The following HNF4G variants were observed in gnomAD, a reference collection of about 807,000 sequenced individuals.
HNF4G encodes hepatocyte nuclear factor 4 gamma.
A neutral mutation model predicts 50.9 loss-of-function variants in HNF4G; 21 were observed. The observed-to-expected ratio is 0.41, with a 90% CI of 0.29 to 0.59. The LOEUF (loss-of-function observed/expected upper bound fraction) is 0.59, where lower values mean the gene tolerates loss of function less well. HNF4G is among the 20% of genes least tolerant of loss of function. The probability of loss-of-function intolerance (pLI) is 0.26; values close to 1 mark genes in which losing one functional copy is unlikely to be tolerated. For synonymous variants in HNF4G, 198 were observed against 185.6 expected (o/e 1.07, Z -0.54); for missense variants, 527 against 559.4 (o/e 0.94, Z 0.58).
intron 2 of HNF4G, among the ~76,000 whole-genome samples, chr8:75,504,275 A>ACACC (rs1239742088): frequency 1.5e-4 from 22 of 148,052 alleles, no homozygotes; most frequent in Admixed American, 6.8e-4. Context: ...ACACACACAC[A>ACACC]CCAAAAACAA....
chr8:75,539,919 C>T lies in HNF4G; in HGVS notation c.-44C>T. 1 of 862,024 alleles carries T rather than the reference C, an allele frequency of 1.2e-6. No individual in the cohort carries two copies. Among genetic ancestry groups the T allele is most frequent in the Non-Finnish European group, 2.0e-6 (1 of 501,972 alleles). The allele number at this position is 862,024 out of a possible 1,614,324, so 53.4% of individuals were successfully genotyped here. On this transcript the variant is annotated 5_prime_UTR_variant, in exon 1 of 10. Transcript: ENST00000396423. Reference sequence around the variant, plus strand: ...AAAACACATCAAAACACTCATCACGCACTCTGGGCTTGTGGTGCCACTTGT... The same window carrying T: ...AAAACACATCAAAACACTCATCACGTACTCTGGGCTTGTGGTGCCACTTGT...
chr8:75,563,945 A>G (rs780708054), intron 9 of HNF4G, 30 bp from the exon 10 acceptor site: 6 of 1,611,924 alleles, frequency 3.7e-6, no homozygotes, highest in African/African-American at 2.7e-5. Flanking sequence ...GACTGCCACC[A>G]TTAGACTCAA....
intron 1 of HNF4G, among the ~76,000 whole-genome samples, chr8:75,459,872 T>C (rs1005590090): frequency 2.0e-5 from 3 of 152,024 alleles, no homozygotes. Context: ...AGTTGTGTCT[T>C]AAAGTAATTC....
intron 2 of HNF4G, among the ~76,000 whole-genome samples, chr8:75,545,874 A>C (rs1806763718): frequency 6.6e-6 from 1 of 152,010 alleles, no homozygotes; most frequent in African/African-American, 2.4e-5. Flanking sequence ...TTATTAATTT[A>C]ATGTTAATTG....
rs563025993 is a variant in HNF4G at position 75,463,325 on chromosome 8, C to T, written c.-143-26764C>T. Among the ~76,000 whole-genome samples the T allele has an allele frequency of 3.9e-5, 6 of 152,090 alleles. No individual in the cohort carries two copies. In the South Asian group the frequency reaches 1.0e-3, roughly 26 times the overall value. On this transcript the variant is annotated intron_variant, in intron 1 of 10. Coordinates refer to the HNF4G transcript ENST00000354370. ...ATGATATAAAGTATCACCTCTGCCT[C>T]GTCATTCCCTCACTTTGATCCCATT...
chr8:75,452,739 A>G (rs1811616781), intron 1 of HNF4G, among the ~76,000 whole-genome samples: 1 of 152,136 alleles, frequency 6.6e-6, no homozygotes, highest in South Asian at 2.1e-4. Flanking sequence ...AAGAAAAGAA[A>G]AAGACTAATG....
At chr8:75,492,596 C>A (rs1432391389) in intron 2 of HNF4G, among the ~76,000 whole-genome samples, 2 of 152,148 alleles carry the variant, frequency 1.3e-5, no homozygotes, top group African/African-American at 4.8e-5. Context: ...TAATTTATCT[C>A]ATTTATTCCT....
At chr8:75,517,130 C>T (rs947714446) in intron 2 of HNF4G, among the ~76,000 whole-genome samples, 6 of 152,132 alleles carry the variant, frequency 3.9e-5, no homozygotes, top group African/African-American at 1.4e-4. Flanking sequence ...TATTCACTAT[C>T]ACGAGAATAG....
chr8:75,563,013 T>C (rs1218978229), intron 9 of HNF4G, among the ~76,000 whole-genome samples: 2 of 152,142 alleles, frequency 1.3e-5, no homozygotes, highest in South Asian at 2.1e-4. Flanking sequence ...TTAACAATAA[T>C]ATAAAGCTAA....
At position 75,540,044 on chromosome 8, in the gene HNF4G, G is replaced by T. The variant is rs1237841628; in HGVS notation, c.82G>T (p.Glu28Ter). 1.9e-6 allele frequency: 3 copies of T among 1,607,756 alleles called. No homozygotes were observed. Among genetic ancestry groups the T allele is most frequent in the Non-Finnish European group, 2.6e-6 (3 of 1,174,390 alleles). ...EVLDPTYTTL[E>*]FETMQILYNS... ...TTTGGACCCAACTTACACAACTTTG[G>T]AGTTTGAAACTATGCAGATTCTATA... Residue 28 changes from glutamate to a stop codon, truncating the protein, a stop_gained, in exon 1 of 10, where the codon GAG becomes TAG. Transcript: ENST00000396423. LOFTEE classifies it high-confidence loss of function.
Position 75,445,179 on chromosome 8 carries a change from A to G in HNF4G, c.-144+37017A>G, listed in dbSNP as rs1249605344. Among the ~76,000 whole-genome samples the G allele has an allele frequency of 3.8e-3, 461 of 119,784 alleles. 5 individuals are homozygous for G. Among genetic ancestry groups the G allele is most frequent in the African/African-American group, 0.015 (444 of 29,532 alleles). The allele number at this position is 119,784 out of a possible 152,430, so 78.6% of individuals were successfully genotyped here. ...CTGAACAACCTGCTCCTGAATGACT[A>G]CTGGGTACATAACGAAATGAAGGCA... On this transcript the variant is annotated intron_variant, in intron 1 of 10. Coordinates refer to the HNF4G transcript ENST00000354370.
At chr8:75,530,867 A>G (rs1806309181) in intron 2 of HNF4G, among the ~76,000 whole-genome samples, 1 of 143,578 alleles carries the variant, frequency 7.0e-6, no homozygotes, top group Admixed American at 7.2e-5. Flanking sequence ...ATCTCGGTTC[A>G]CTGCAACCTC....
chr8:75,525,465 G>C (rs1201460111), intron 2 of HNF4G, among the ~76,000 whole-genome samples: 1 of 152,268 alleles, frequency 6.6e-6, no homozygotes, highest in East Asian at 1.9e-4. Flanking sequence ...ACCGCAACCG[G>C]CCTCCATTGG....
Position 75,539,951 on chromosome 8 carries a change from G to T in HNF4G, c.-12G>T. 2 of 1,210,232 alleles carry T rather than the reference G, an allele frequency of 1.7e-6. No individual in the cohort carries two copies. The highest frequency in any genetic ancestry group is 1.2e-6 in the Non-Finnish European group (1 of 813,462). 75.0% of individuals were successfully genotyped at this position (1,210,232 alleles called of 1,614,324 possible). ...GGCTTGTGGTGCCACTTGTATGTGT[G>T]TTTCTAAATCAATGATGAGGGTATC... On this transcript the variant is annotated 5_prime_UTR_variant, in exon 1 of 10. Transcript: ENST00000396423.
At chr8:75,507,747 A>G (rs186479960) in intron 2 of HNF4G, among the ~76,000 whole-genome samples, 1 of 152,212 alleles carries the variant, frequency 6.6e-6, no homozygotes, top group African/African-American at 2.4e-5. Context: ...AAAAGAATTA[A>G]TTCATCAAAA....
chr8:75,415,659 T>C (rs1263104964), intron 1 of HNF4G, among the ~76,000 whole-genome samples: 1 of 152,236 alleles, frequency 6.6e-6, no homozygotes, highest in African/African-American at 2.4e-5. Context: ...CAATTTGCTT[T>C]AGTCCTGTGA....
At chr8:75,440,994 A>G (rs1811267055) in intron 1 of HNF4G, among the ~76,000 whole-genome samples, 1 of 152,126 alleles carries the variant, frequency 6.6e-6, no homozygotes, top group African/African-American at 2.4e-5. Flanking sequence ...AGCTGGGATT[A>G]CAGGCAGGCA....
chr8:75,493,330 C>T (rs1044077666), intron 2 of HNF4G, among the ~76,000 whole-genome samples: 1 of 152,106 alleles, frequency 6.6e-6, no homozygotes, highest in Non-Finnish European at 1.5e-5. Context: ...ACACATGCTT[C>T]CCCATCCTGA....
chr8:75,522,957 T>A (rs1441306087), intron 2 of HNF4G, among the ~76,000 whole-genome samples: 1 of 152,032 alleles, frequency 6.6e-6, no homozygotes, highest in Non-Finnish European at 1.5e-5. Context: ...CCAGACGCGG[T>A]GGTTCATGCC....
Sources: gnomAD v4.1 joint callset for allele counts (sites outside exome capture counted in the v4.1 genomes callset) on GRCh38, gnomAD v4.1.1 for gene constraint, MANE v1.5 for transcripts, NCBI Gene and HGNC (gene_info 2026-07-23, HGNC 2026-07-21) for gene names.